The following CYP19A1 variants were observed in gnomAD, a reference collection of about 807,000 sequenced individuals.
CYP19A1 encodes cytochrome P450 family 19 subfamily A member 1, also known as aromatase.
CYP19A1 carries 32 observed loss-of-function variants against 44.4 expected under a neutral mutation model. The observed-to-expected ratio is 0.72, with a 90% CI of 0.54 to 0.97. The LOEUF is 0.97. CYP19A1 is among the 50% of genes least tolerant of loss of function. The probability of loss-of-function intolerance (pLI) is 0.00; values close to 1 mark genes in which losing one functional copy is unlikely to be tolerated. For missense variants in CYP19A1, 598 were observed against 637.8 expected, an observed-to-expected ratio of 0.94 and a Z score of 0.67; for synonymous variants, 212 against 215.6, an observed-to-expected ratio of 0.98 and a Z score of 0.14.
At chr15:51,215,681 T>TAC in intron 7 of CYP19A1, 22 bp downstream of exon 7, 1 of 1,613,930 alleles carries the variant, frequency 6.2e-7, no homozygotes, top group Non-Finnish European at 8.5e-7. Flanking sequence ...GCATGGGAAT[T>TAC]ACAGTTAGTT....
chr15:51,216,570 T>C (rs1444409231), intron 6 of CYP19A1, among the ~76,000 whole-genome samples: 2 of 152,176 alleles, frequency 1.3e-5, no homozygotes, highest in Non-Finnish European at 2.9e-5. Context: ...TCTGCTTTTA[T>C]TTGCCTAGTC....
intron 1 of CYP19A1, among the ~76,000 whole-genome samples, chr15:51,335,654 A>G (rs2036764030): frequency 6.6e-6 from 1 of 152,228 alleles, no homozygotes; most frequent in South Asian, 2.1e-4. Context: ...GGTGGAGGTC[A>G]GAGATCATAC....
intron 1 of CYP19A1, among the ~76,000 whole-genome samples, chr15:51,253,303 T>C (rs968914957): frequency 2.0e-5 from 3 of 152,224 alleles, no homozygotes; most frequent in African/African-American, 4.8e-5. Context: ...GAAATAATAA[T>C]GGACAGTCCC....
intron 1 of CYP19A1, among the ~76,000 whole-genome samples, chr15:51,278,430 T>C (rs1032460405): frequency 6.6e-6 from 1 of 152,144 alleles, no homozygotes; most frequent in African/African-American, 2.4e-5. Flanking sequence ...CTTTGGCTCC[T>C]CGTAGGGGGT....
chr15:51,240,374 A>G (rs1042083629), intron 2 of CYP19A1, among the ~76,000 whole-genome samples: 8 of 152,142 alleles, frequency 5.3e-5, no homozygotes, highest in Non-Finnish European at 1.0e-4. Context: ...AACAGACACA[A>G]ACACACCAAC....
chr15:51,237,764 G>GT (rs2033500193), intron 2 of CYP19A1, among the ~76,000 whole-genome samples: 3 of 152,184 alleles, frequency 2.0e-5, no homozygotes. Context: ...TAAAGAACAT[G>GT]CGTCCAGGGA....
At chr15:51,236,206 A>C (rs1336291411) in intron 3 of CYP19A1, among the ~76,000 whole-genome samples, 1 of 152,202 alleles carries the variant, frequency 6.6e-6, no homozygotes, top group African/African-American at 2.4e-5. Flanking sequence ...GGAAAGCAGC[A>C]TGTGAATTAC....
At position 51,236,840 on chromosome 15, in the gene CYP19A1, C is replaced by T. The variant is rs771214839; in HGVS notation, c.296+19G>A. On this transcript the variant is annotated intron_variant, in intron 3 of 9. Transcript: ENST00000396402. ...AGCCTCGATTTAAAAAGTATGTCTT[C>T]GATTATGAACAGACTCACTTGCTGA... 119 of 1,613,644 alleles carry T rather than the reference C, an allele frequency of 7.4e-5. No homozygotes were observed. Among genetic ancestry groups the T allele is most frequent in the Non-Finnish European group, 9.5e-5 (112 of 1,179,752 alleles).
chr15:51,289,599 C>T (rs964668870), intron 1 of CYP19A1, among the ~76,000 whole-genome samples: 8 of 152,190 alleles, frequency 5.3e-5, no homozygotes, highest in African/African-American at 1.2e-4. Flanking sequence ...CCTGCAGCTT[C>T]CCACTGTGCC....
rs767391457 is a variant in CYP19A1, at chr15:51,242,879, T to G, written c.34A>C (p.Asn12His). 2.5e-6 allele frequency: 4 copies of G among 1,610,320 alleles called. No homozygotes were observed. Among genetic ancestry groups the G allele is most frequent in the Non-Finnish European group, 3.4e-6 (4 of 1,176,568 alleles). Reference protein sequence around the residue: ...VLEMLNPIHYNITSIVPEAMP... With the variant: ...VLEMLNPIHYHITSIVPEAMP... ...GCTTCAGGCACGATGCTGGTGATGT[T>G]ATAATGTATCGGGTTCAGCATTTCC... Residue 12 changes from asparagine (N) to histidine (H), a missense_variant, in exon 2 of 10, where the codon AAC becomes CAC. Physicochemically the swap from Asn to His is moderately conservative, Grantham distance 68. Transcript: ENST00000396402.
intron 1 of CYP19A1, among the ~76,000 whole-genome samples, chr15:51,288,435 T>C (rs1254238950): frequency 6.6e-6 from 1 of 152,146 alleles, no homozygotes; most frequent in African/African-American, 2.4e-5. Flanking sequence ...CCCACACCCT[T>C]TGGGGGTTCC....
chr15:51,299,035 A>G (rs2036059024), intron 1 of CYP19A1, among the ~76,000 whole-genome samples: 1 of 152,202 alleles, frequency 6.6e-6, no homozygotes, highest in Non-Finnish European at 1.5e-5. Context: ...TGGAACCGGC[A>G]AGGCCTTTTT....
intron 1 of CYP19A1, among the ~76,000 whole-genome samples, chr15:51,333,674 C>T (rs1399069023): frequency 6.6e-6 from 1 of 152,140 alleles, no homozygotes; most frequent in Non-Finnish European, 1.5e-5. Flanking sequence ...TGACAGAAGC[C>T]AGTGCAAGTC....
intron 1 of CYP19A1, chr15:51,319,081 T>C (rs889619975): frequency 6.6e-6 from 1 of 152,210 alleles, no homozygotes; most frequent in African/African-American, 2.4e-5. Flanking sequence ...TCAGTTGTCG[T>C]CAGCCCACAC....
intron 1 of CYP19A1, among the ~76,000 whole-genome samples, chr15:51,310,959 A>G (rs1428741317): frequency 6.6e-6 from 1 of 152,232 alleles, no homozygotes; most frequent in Non-Finnish European, 1.5e-5. Flanking sequence ...CCTACACAAG[A>G]TGAGACAGAG....
intron 1 of CYP19A1, among the ~76,000 whole-genome samples, chr15:51,276,455 T>A (rs1404681917): frequency 6.6e-6 from 1 of 152,252 alleles, no homozygotes; most frequent in Non-Finnish European, 1.5e-5. Context: ...ACCTTTGCTT[T>A]CATGTTAACT....
At chr15:51,213,898 C>T (rs1391889559) in intron 8 of CYP19A1, among the ~76,000 whole-genome samples, 1 of 152,082 alleles carries the variant, frequency 6.6e-6, no homozygotes. Flanking sequence ...GGCACAGAAC[C>T]TGAGAACCTG....
At chr15:51,329,066 G>T (rs2036658551) in intron 1 of CYP19A1, among the ~76,000 whole-genome samples, 1 of 152,112 alleles carries the variant, frequency 6.6e-6, no homozygotes, top group East Asian at 1.9e-4. Context: ...CTACATAATT[G>T]CATGAGCCAA....
chr15:51,229,038 C>T (rs1413287929), intron 3 of CYP19A1, among the ~76,000 whole-genome samples: 2 of 152,094 alleles, frequency 1.3e-5, no homozygotes, highest in African/African-American at 4.8e-5. Context: ...TCAGTTAATG[C>T]CTGTTGAAAT....
Sources: gnomAD v4.1 joint callset for allele counts (sites outside exome capture counted in the v4.1 genomes callset) on GRCh38, gnomAD v4.1.1 for gene constraint, MANE v1.5 for transcripts, NCBI Gene and HGNC (gene_info 2026-07-23, HGNC 2026-07-21) for gene names.